Variants in NOX4 observed in about 807,000 individuals in gnomAD.
NOX4 encodes the protein NADPH oxidase 4, also known as kidney oxidase-1.
In NOX4, 69 loss-of-function variants were observed where a neutral mutation model predicts 87.6. That is an observed-to-expected ratio of 0.79 (90% CI 0.65 to 0.96). The LOEUF (loss-of-function observed/expected upper bound fraction) is 0.96, where lower values mean the gene tolerates loss of function less well. Ranked by LOEUF, NOX4 falls within the 40% of genes least tolerant of loss-of-function variation. The pLI, the probability that NOX4 is intolerant of heterozygous loss-of-function variation, is 0.00. For missense variants in NOX4, 680 were observed against 681.5 expected (o/e 1.00, Z 0.02); for synonymous variants, 275 against 238.2 (o/e 1.15, Z -1.42).
chr11:89,430,577 C>A (rs1195207732), intron 7 of NOX4, among the ~76,000 whole-genome samples: 1 of 152,072 alleles, frequency 6.6e-6, no homozygotes, highest in Admixed American at 6.6e-5. Flanking sequence ...AACAGAGAGC[C>A]AAATCATGAG....
chr11:89,545,176 G>A, the NOX4 span: 4 of 152,116 alleles, frequency 2.6e-5, no homozygotes, highest in Non-Finnish European at 5.9e-5. Flanking sequence ...TGTTCCAAAT[G>A]ATTTTTCAGC....
intron 11 of NOX4, among the ~76,000 whole-genome samples, chr11:89,379,857 G>A (rs1017799104): frequency 1.3e-5 from 2 of 151,910 alleles, no homozygotes; most frequent in Non-Finnish European, 2.9e-5. Context: ...ATCATACTTC[G>A]ACTAGATGAC....
rs1272929578 is a variant in NOX4, at chr11:89,401,038, G to A, written c.847-659C>T. ...GATCCCAGGACACATGCAAACTTTG[G>A]GAAGTGCAGAAGCCTATGTGGCTTA... On this transcript the variant is annotated intron_variant, in intron 9 of 17. Transcript: ENST00000263317. Among the ~76,000 whole-genome samples the A allele has an allele frequency of 4.6e-5, 7 of 152,156 alleles. No homozygotes were observed. In the South Asian group the frequency reaches 8.3e-4, roughly 18 times the overall value.
upstream of NOX4, among the ~76,000 whole-genome samples, chr11:89,492,477 A>G (rs1183041945): frequency 1.3e-5 from 2 of 152,228 alleles, no homozygotes; most frequent in Non-Finnish European, 2.9e-5. Context: ...TACTCTCACT[A>G]CATGCAATAT....
the NOX4 span, chr11:89,533,921 G>A: frequency 6.6e-6 from 1 of 152,188 alleles, no homozygotes; most frequent in African/African-American, 2.4e-5. Context: ...TTGAAGTAGA[G>A]CATTGTCTTA....
chr11:89,413,774 C>T (rs1942614680), intron 8 of NOX4, among the ~76,000 whole-genome samples: 3 of 151,930 alleles, frequency 2.0e-5, no homozygotes, highest in South Asian at 4.1e-4. Context: ...GAAAACAGTA[C>T]AATTTGTATG....
chr11:89,510,503 C>T, the NOX4 span, among the ~76,000 whole-genome samples: 1 of 152,006 alleles, frequency 6.6e-6, no homozygotes, highest in Admixed American at 6.6e-5. Flanking sequence ...GGGACAGTAA[C>T]ATAAAGTCAC....
chr11:89,356,705 A>C (rs207472149), intron 12 of NOX4, among the ~76,000 whole-genome samples: 2 of 152,112 alleles, frequency 1.3e-5, no homozygotes, highest in Non-Finnish European at 2.9e-5. Context: ...TGTTATATGT[A>C]TTTATCTCTC....
At chr11:89,520,283 AT>A in the NOX4 span, among the ~76,000 whole-genome samples, 5 of 152,210 alleles carry the variant, frequency 3.3e-5, no homozygotes, top group South Asian at 8.3e-4. Flanking sequence ...TTTTTACGGA[AT>A]TTATAAGAAA....
intron 2 of NOX4, among the ~76,000 whole-genome samples, chr11:89,474,779 C>A (rs1946094666): frequency 1.3e-5 from 2 of 151,816 alleles, no homozygotes; most frequent in South Asian, 4.2e-4. Flanking sequence ...TATACAGAAT[C>A]AGGTATTTCT....
intron 6 of NOX4, among the ~76,000 whole-genome samples, chr11:89,438,790 G>T (rs1166609075): frequency 1.2e-3 from 6 of 5,026 alleles, no homozygotes; most frequent in African/African-American, 3.2e-3. Flanking sequence ...ATAATATATA[G>T]TGTATAATAT....
In NOX4 at chr11:89,357,225, T is replaced by C. The variant is rs1261586016; in HGVS notation, c.1136-2182A>G. Among the ~76,000 whole-genome samples the C allele has an allele frequency of 4.0e-5, 6 of 151,142 alleles. No individual in the cohort carries two copies. In the South Asian group the frequency reaches 8.4e-4, roughly 21 times the overall value. ...ATAACTGGCTTCTACTGTTTTTTTT[T>C]CTCTCAAAATTCTGACATTTCTTAC... On this transcript the variant is annotated intron_variant, in intron 12 of 17. Coordinates refer to ENST00000263317, the MANE Select transcript of NOX4 (RefSeq NM_016931.5).
chr11:89,330,906 T>G (rs1330358256), intron 17 of NOX4, among the ~76,000 whole-genome samples: 5 of 152,012 alleles, frequency 3.3e-5, no homozygotes, highest in Non-Finnish European at 5.9e-5. Flanking sequence ...AGTTAATTAT[T>G]TCAATACTCT....
chr11:89,505,956 G>A, the NOX4 span, among the ~76,000 whole-genome samples: 1 of 151,934 alleles, frequency 6.6e-6, no homozygotes, highest in East Asian at 1.9e-4. Flanking sequence ...AACAAGTAGG[G>A]TGAGGTTTAT....
the NOX4 span, among the ~76,000 whole-genome samples, chr11:89,529,877 G>A: frequency 7.2e-5 from 11 of 152,080 alleles, no homozygotes; most frequent in African/African-American, 1.7e-4. Flanking sequence ...GAAATTATGT[G>A]GGTAATAGTC....
At chr11:89,379,987 C>T (rs1940153165) in intron 11 of NOX4, among the ~76,000 whole-genome samples, 1 of 152,084 alleles carries the variant, frequency 6.6e-6, no homozygotes, top group Admixed American at 6.6e-5. Flanking sequence ...TCTCCATTCA[C>T]ACTCTCCCAC....
At chr11:89,359,182 A>G (rs994867919) in intron 12 of NOX4, among the ~76,000 whole-genome samples, 3 of 152,088 alleles carry the variant, frequency 2.0e-5, no homozygotes, top group African/African-American at 7.2e-5. Flanking sequence ...GTGACACAAT[A>G]TACTTAATTA....
chr11:89,369,495 T>G (rs317125), intron 12 of NOX4, among the ~76,000 whole-genome samples: 80,515 of 151,890 alleles, frequency 0.53, 24,239 homozygotes, highest in African/African-American at 0.83. Context: ...TGGAACACAG[T>G]AGCTGTTTAA....
At chr11:89,436,970 A>G (rs1197525938) in intron 6 of NOX4, among the ~76,000 whole-genome samples, 1 of 152,166 alleles carries the variant, frequency 6.6e-6, no homozygotes, top group South Asian at 2.1e-4. Context: ...TAATTTGTCA[A>G]TACTAGATTC....
Sources: gnomAD v4.1 joint callset for allele counts (sites outside exome capture counted in the v4.1 genomes callset) on GRCh38, gnomAD v4.1.1 for gene constraint, MANE v1.5 for transcripts, NCBI Gene and HGNC (gene_info 2026-07-23, HGNC 2026-07-21) for gene names.